The following MESD variants were observed in gnomAD, a reference collection of about 807,000 sequenced individuals.
MESD encodes the protein mesoderm development LRP chaperone, also known as LRP chaperone MESD.
In MESD, 7 loss-of-function variants were observed where a neutral mutation model predicts 12.9. That is an observed-to-expected ratio of 0.54 (90% CI 0.31 to 1.02). MESD has a LOEUF of 1.02. MESD is among the 50% of genes least tolerant of loss of function. The pLI, the probability that MESD is intolerant of heterozygous loss-of-function variation, is 0.05. For synonymous variants in MESD, 126 were observed against 115.6 expected, an observed-to-expected ratio of 1.09 and a Z score of -0.58; for missense variants, 342 against 296.7, an observed-to-expected ratio of 1.15 and a Z score of -1.12.
intron 1 of MESD, among the ~76,000 whole-genome samples, chr15:80,989,108 G>A (rs1301190053): frequency 1.3e-5 from 2 of 152,182 alleles, no homozygotes; most frequent in African/African-American, 2.4e-5. Flanking sequence ...TACTGATTTA[G>A]AAGACAGCTG....
chr15:80,989,762 G>A lies in MESD; in HGVS notation c.30C>T (p.Ala10=), dbSNP rs759949990. Residue 10 remains alanine (A), a synonymous_variant, in exon 1 of 3, where the codon GCC becomes GCT. Transcript: ENST00000261758. ...GGTCAGAGGCACAAAGCAGGACCAC[G>A]GCCTTGCGCGCCCACCTGGAAGCCG... MAASRWARK[A]VVLLCASDLL... 1.9e-5 allele frequency: 31 copies of A among 1,596,146 alleles called. No individual in the cohort carries two copies. The highest frequency in any genetic ancestry group is 1.8e-4 in the South Asian group (16 of 90,704).
chr15:80,988,464 A>G (rs1902796200), intron 1 of MESD, among the ~76,000 whole-genome samples: 1 of 152,194 alleles, frequency 6.6e-6, no homozygotes. Context: ...TGGCAGATCA[A>G]AAGGCTTTAT....
At chr15:80,987,642 C>G (rs1040923087) in intron 1 of MESD, among the ~76,000 whole-genome samples, 2 of 152,134 alleles carry the variant, frequency 1.3e-5, no homozygotes, top group Non-Finnish European at 2.9e-5. Flanking sequence ...GTGCCCGCCA[C>G]CATGCCCAAC....
rs930554231 is a variant in MESD at position 80,977,954 on chromosome 15, C to T, written c.*1265G>A. ...AACTGAGAATGCAGAGGGTGTGGTT[C>T]TTTCGAGGGAAATGTGAGCAGCTAC... On this transcript the variant is annotated 3_prime_UTR_variant, in exon 3 of 3. Coordinates refer to ENST00000261758, the MANE Select transcript of MESD (RefSeq NM_015154.3). 3 of 152,238 alleles carry T rather than the reference C, an allele frequency of 2.0e-5. No individual in the cohort carries two copies. Among genetic ancestry groups the T allele is most frequent in the African/African-American group, 7.2e-5 (3 of 41,466 alleles). The allele number at this position is 152,238 out of a possible 1,614,324, so 9.4% of individuals were successfully genotyped here.
At position 80,958,896 on chromosome 15, in the gene MESD, G is replaced by A. The variant is rs143756274; in HGVS notation, c.*289-6600C>T. On this transcript the variant is annotated intron_variant, in intron 3 of 4. Transcript: ENST00000561312. Reference sequence around the variant, plus strand: ...GAAAAGCCCCTAGAGTAGCCGTGAAGGACTTGGTAAGAAGTGGTGACCCAC... The same window carrying A: ...GAAAAGCCCCTAGAGTAGCCGTGAAAGACTTGGTAAGAAGTGGTGACCCAC... Among the ~76,000 whole-genome samples, 69 of 152,312 alleles carry A rather than the reference G, an allele frequency of 4.5e-4. No individual in the cohort carries two copies. In the East Asian group the frequency reaches 6.4e-3, roughly 14 times the overall value.
At chr15:80,947,049 G>A, downstream of MESD, 1 of 1,613,274 alleles carries the variant, frequency 6.2e-7, no homozygotes, top group Non-Finnish European at 8.5e-7. Context: ...GGGCAGACAG[G>A]GGTCTCAAGT....
chr15:80,984,722 C>A (rs569940104), intron 1 of MESD, among the ~76,000 whole-genome samples: 1 of 152,246 alleles, frequency 6.6e-6, no homozygotes, highest in African/African-American at 2.4e-5. Context: ...GTACACTTTA[C>A]ATGGGTAAAT....
At chr15:80,964,370 C>T (rs1427792310) in intron 3 of MESD, among the ~76,000 whole-genome samples, 2 of 151,992 alleles carry the variant, frequency 1.3e-5, no homozygotes, top group African/African-American at 4.8e-5. Flanking sequence ...GGATCAATAT[C>T]ATGAAAAAGG....
chr15:80,968,586 C>G (rs566664280), intron 3 of MESD, among the ~76,000 whole-genome samples: 1 of 151,840 alleles, frequency 6.6e-6, no homozygotes, highest in African/African-American at 2.4e-5. Context: ...GTGGGAGGAT[C>G]GCTTGAGCTC....
chr15:80,979,401 C>T lies in MESD; in HGVS notation c.523G>A (p.Val175Ile), dbSNP rs1427338905. The T allele has an allele frequency of 6.2e-7, 1 of 1,614,196 alleles. No homozygotes were observed. Among genetic ancestry groups the T allele is most frequent in the South Asian group, 1.1e-5 (1 of 91,084 alleles). ...ACATCAGCACACCTGTCTTGACCGA[C>T]CAAAAAGTCCTTGATCTCCCAGGCG... is the stretch of plus-strand genomic sequence containing the variant. ...SYAWEIKDFL[V>I]GQDRCADVTL... The change falls in exon 3 of 3, where the codon GTC becomes ATC. Residue 175 changes from valine (V) to isoleucine (I), a missense_variant. By Grantham distance (29) the Val-to-Ile change is conservative (BLOSUM62 3). Coordinates refer to ENST00000261758, the MANE Select transcript of MESD (RefSeq NM_015154.3).
At chr15:80,982,387 C>A (rs560228154) in intron 1 of MESD, among the ~76,000 whole-genome samples, 1 of 152,288 alleles carries the variant, frequency 6.6e-6, no homozygotes, top group East Asian at 1.9e-4. Flanking sequence ...CCCAGGTTAC[C>A]AATCACAGAG....
At chr15:80,985,126 C>T (rs1902694083) in intron 1 of MESD, among the ~76,000 whole-genome samples, 1 of 152,234 alleles carries the variant, frequency 6.6e-6, no homozygotes, top group African/African-American at 2.4e-5. Flanking sequence ...TCTCAACTGA[C>T]ATGTTTCTTC....
chr15:80,973,725 T>G (rs1188641341), downstream of MESD, among the ~76,000 whole-genome samples: 1 of 152,170 alleles, frequency 6.6e-6, no homozygotes, highest in East Asian at 1.9e-4. Flanking sequence ...ATCCTGTCTT[T>G]ATTTAGAATG....
At chr15:80,957,882 C>T (rs936034479) in intron 3 of MESD, among the ~76,000 whole-genome samples, 1 of 148,782 alleles carries the variant, frequency 6.7e-6, no homozygotes, top group Non-Finnish European at 1.5e-5. Context: ...CCCACCCCCC[C>T]ACCCCCATAT....
At chr15:80,963,961 T>C (rs1431151492) in intron 3 of MESD, among the ~76,000 whole-genome samples, 2 of 152,160 alleles carry the variant, frequency 1.3e-5, no homozygotes, top group African/African-American at 2.4e-5. Flanking sequence ...CAACATAGTA[T>C]TGGAAGTTCT....
At chr15:80,948,343 CAG>C (rs1191002112) in exon 5 of MESD, 14 of 277,934 alleles carry the variant, frequency 5.0e-5, no homozygotes, top group Non-Finnish European at 1.0e-4. Flanking sequence ...CTTCACCTCT[CAG>C]AACTCTTTCT....
intron 3 of MESD, among the ~76,000 whole-genome samples, chr15:80,962,822 G>C (rs559821837): frequency 4.5e-4 from 69 of 152,186 alleles, no homozygotes; most frequent in Non-Finnish European, 6.5e-4. Flanking sequence ...GAATCTGAGG[G>C]ACACATTTAA....
intron 1 of MESD, among the ~76,000 whole-genome samples, chr15:80,988,054 T>C (rs976531741): frequency 2.6e-5 from 4 of 152,242 alleles, no homozygotes; most frequent in African/African-American, 9.6e-5. Flanking sequence ...CTGCAGTTTC[T>C]AGCTTAATCC....
intron 1 of MESD, among the ~76,000 whole-genome samples, chr15:80,983,565 G>A (rs1424080481): frequency 6.6e-6 from 1 of 152,154 alleles, no homozygotes; most frequent in African/African-American, 2.4e-5. Context: ...AGAAACTCAT[G>A]GTTTTTCATA....
Sources: allele counts gnomAD v4.1 joint callset (sites outside exome capture counted in the v4.1 genomes callset), GRCh38; gene constraint gnomAD v4.1.1; transcripts MANE v1.5; gene names NCBI Gene and HGNC (gene_info 2026-07-23, HGNC 2026-07-21).